SOX6: variants seen among roughly 807,000 people sequenced by gnomAD.
SOX6 encodes the protein SRY-box transcription factor 6, also known as transcription factor SOX-6.
In SOX6, 11 loss-of-function variants were observed where a neutral mutation model predicts 97.8. The observed-to-expected ratio is 0.11, with a 90% CI of 0.07 to 0.19. The LOEUF (loss-of-function observed/expected upper bound fraction) is 0.19. Among genes scored for constraint, SOX6 ranks in the 10% least tolerant of loss-of-function variants. The probability of loss-of-function intolerance (pLI) is 1.00; values close to 1 mark genes in which losing one functional copy is unlikely to be tolerated. For synonymous variants in SOX6, 360 were observed against 371.4 expected (o/e 0.97, Z 0.35); for missense variants, 810 against 1,039.5 (o/e 0.78, Z 3.04).
chr11:16,100,754 TAA>T (rs796260198), intron 7 of SOX6, among the ~76,000 whole-genome samples: 7 of 138,550 alleles, frequency 5.1e-5, no homozygotes, highest in Admixed American at 7.2e-5. Flanking sequence ...GTCTACCTTT[TAA>T]AAAAAAAAAA....
At chr11:16,030,803 T>C (rs1235825065) in intron 12 of SOX6, among the ~76,000 whole-genome samples, 2 of 152,110 alleles carry the variant, frequency 1.3e-5, no homozygotes, top group Admixed American at 1.3e-4. Context: ...CCCACAAAGA[T>C]GATAAACAAA....
At chr11:16,658,270 G>A (rs1847738760) in intron 3 of SOX6, among the ~76,000 whole-genome samples, 1 of 151,970 alleles carries the variant, frequency 6.6e-6, no homozygotes, top group African/African-American at 2.4e-5. Context: ...TCTTCTTATG[G>A]TTATATGCCA....
intron 3 of SOX6, among the ~76,000 whole-genome samples, chr11:16,238,800 C>T (rs1422556981): frequency 1.3e-5 from 2 of 152,020 alleles, no homozygotes; most frequent in African/African-American, 4.8e-5. Context: ...CTAGAAACAA[C>T]ATAAAAAATA....
At chr11:16,489,440 A>G (rs568906724) in intron 4 of SOX6, among the ~76,000 whole-genome samples, 1 of 152,236 alleles carries the variant, frequency 6.6e-6, no homozygotes, top group African/African-American at 2.4e-5. Context: ...GGTTATTAAA[A>G]CTTTTATTTG....
At chr11:16,514,612 G>C (rs376773874) in intron 4 of SOX6, among the ~76,000 whole-genome samples, 4 of 151,316 alleles carry the variant, frequency 2.6e-5, no homozygotes, top group East Asian at 2.0e-4. Context: ...TAGTTACATA[G>C]GTATACATGT....
At chr11:16,431,976 A>T (rs552607826) in intron 1 of SOX6, among the ~76,000 whole-genome samples, 1 of 152,260 alleles carries the variant, frequency 6.6e-6, no homozygotes, top group South Asian at 2.1e-4. Flanking sequence ...AAACTGAATT[A>T]TATTTAGAAA....
At chr11:16,701,483 T>C (rs1564872365) in intron 3 of SOX6, among the ~76,000 whole-genome samples, 1 of 152,124 alleles carries the variant, frequency 6.6e-6, no homozygotes, top group Non-Finnish European at 1.5e-5. Context: ...AATTGACATA[T>C]GTTCATGGTT....
intron 6 of SOX6, among the ~76,000 whole-genome samples, chr11:16,146,399 C>A (rs1850298571): frequency 6.6e-6 from 1 of 152,124 alleles, no homozygotes. Flanking sequence ...CATAAAAACC[C>A]TAGAAGAAAA....
chr11:16,275,286 A>G (rs1854363912), intron 3 of SOX6, among the ~76,000 whole-genome samples: 1 of 11,118 alleles, frequency 9.0e-5, no homozygotes, highest in South Asian at 3.0e-3. Flanking sequence ...CCAAAAATAC[A>G]AAAAAAAAAA....
intron 4 of SOX6, among the ~76,000 whole-genome samples, chr11:16,563,950 A>G (rs532130276): frequency 6.6e-6 from 1 of 152,324 alleles, no homozygotes; most frequent in African/African-American, 2.4e-5. Context: ...GAAGTGGCAC[A>G]ATATTTTCGA....
chr11:16,416,799 T>G (rs1858935088), intron 1 of SOX6, among the ~76,000 whole-genome samples: 1 of 152,224 alleles, frequency 6.6e-6, no homozygotes, highest in Non-Finnish European at 1.5e-5. Context: ...CTTTGGGGAC[T>G]ATGAAATCTT....
Position 16,221,217 on chromosome 11 carries a change from T to C in SOX6, c.535+13365A>G, listed in dbSNP as rs529223017. Among the ~76,000 whole-genome samples, 37 of 152,190 alleles carry C rather than the reference T, an allele frequency of 2.4e-4. No homozygotes were observed. In the East Asian group the frequency reaches 6.9e-3, roughly 29 times the overall value. On this transcript the variant is annotated intron_variant, in intron 4 of 15. Transcript: ENST00000683767. The stretch of plus-strand genomic sequence containing the variant: ...TGCATTGATTATGCAAATAAAATAG[T>C]GAGTAAAACCACTGGTTTCTTAGCA...
intron 3 of SOX6, among the ~76,000 whole-genome samples, chr11:16,291,499 G>A (rs1854919165): frequency 6.6e-6 from 1 of 151,900 alleles, no homozygotes; most frequent in Non-Finnish European, 1.5e-5. Context: ...TGTTGTTGTT[G>A]TTGTTTTGTG....
At chr11:16,426,573 A>G (rs1232023393) in intron 1 of SOX6, among the ~76,000 whole-genome samples, 1 of 152,162 alleles carries the variant, frequency 6.6e-6, no homozygotes, top group African/African-American at 2.4e-5. Flanking sequence ...TCCGTATTCA[A>G]TAAATGGTGC....
intron 7 of SOX6, chr11:16,110,392 C>T (rs1849199249): frequency 6.6e-6 from 1 of 150,592 alleles, no homozygotes; most frequent in Non-Finnish European, 1.5e-5. Context: ...GAAGACTGAA[C>T]CACTTCACTA....
At chr11:16,711,465 G>A (rs973808234) in intron 3 of SOX6, among the ~76,000 whole-genome samples, 5 of 152,210 alleles carry the variant, frequency 3.3e-5, no homozygotes, top group Non-Finnish European at 5.9e-5. Flanking sequence ...GGAAGCTCCA[G>A]TTAGCTGTGA....
intron 3 of SOX6, chr11:16,645,970 T>C (rs925914015): frequency 1.3e-5 from 2 of 152,142 alleles, no homozygotes; most frequent in Admixed American, 1.3e-4. Context: ...AAAAAATAAA[T>C]GTTATCTTAT....
chr11:16,319,308 A>G (rs1205453578), intron 2 of SOX6, among the ~76,000 whole-genome samples: 1 of 152,100 alleles, frequency 6.6e-6, no homozygotes, highest in Non-Finnish European at 1.5e-5. Context: ...TCTATTCCTT[A>G]CCCTTACCAC....
chr11:16,214,310 C>T (rs1366495257), intron 4 of SOX6, among the ~76,000 whole-genome samples: 1 of 152,174 alleles, frequency 6.6e-6, no homozygotes, highest in East Asian at 1.9e-4. Flanking sequence ...ACCCTAGAAT[C>T]AAAGGTCACA....
Sources: gnomAD v4.1 joint callset for allele counts (sites outside exome capture counted in the v4.1 genomes callset) on GRCh38, gnomAD v4.1.1 for gene constraint, MANE v1.5 for transcripts, NCBI Gene and HGNC (gene_info 2026-07-23, HGNC 2026-07-21) for gene names.